Variants in PTPRA observed in about 807,000 individuals in gnomAD.
The protein encoded by PTPRA is protein tyrosine phosphatase receptor type A.
In PTPRA, 25 loss-of-function variants were observed where a neutral mutation model predicts 104.8. That is an observed-to-expected ratio of 0.24 (90% confidence interval 0.17 to 0.33). The LOEUF (loss-of-function observed/expected upper bound fraction) is 0.33. Among genes scored for constraint, PTPRA ranks in the 10% least tolerant of loss-of-function variants. PTPRA has a pLI of 1.00. For synonymous variants in PTPRA, 323 were observed against 368.9 expected (o/e 0.88, Z 1.43); for missense variants, 765 against 1,015.3 (o/e 0.75, Z 3.35).
At chr20:2,884,943 GGGACTACA>G (rs1258692529) in intron 1 of PTPRA, among the ~76,000 whole-genome samples, 1 of 151,966 alleles carries the variant, frequency 6.6e-6, no homozygotes, top group Non-Finnish European at 1.5e-5. Flanking sequence ...CCGAGTAGCT[GGGACTACA>G]GGCGCCCCCC....
intron 6 of PTPRA, among the ~76,000 whole-genome samples, chr20:2,984,476 T>C (rs1270403828): frequency 6.6e-6 from 1 of 152,226 alleles, no homozygotes; most frequent in Non-Finnish European, 1.5e-5. Flanking sequence ...TTTGATTGAA[T>C]TGATTGCTCC....
chr20:3,028,460 A>G (rs549143092), intron 20 of PTPRA, among the ~76,000 whole-genome samples: 4 of 152,318 alleles, frequency 2.6e-5, no homozygotes, highest in South Asian at 4.1e-4. Context: ...CCCTAGGTCA[A>G]CTTCCTCTCA....
intron 1 of PTPRA, among the ~76,000 whole-genome samples, chr20:2,922,925 G>A (rs775429609): frequency 9.9e-5 from 15 of 151,842 alleles, no homozygotes; most frequent in African/African-American, 2.7e-4. Flanking sequence ...ATGAGCCACC[G>A]CTCCTGGCTA....
intron 6 of PTPRA, among the ~76,000 whole-genome samples, chr20:2,977,148 C>T (rs556947905): frequency 4.0e-5 from 6 of 151,898 alleles, no homozygotes; most frequent in East Asian, 1.9e-4. Flanking sequence ...TGGTGGTGTG[C>T]GCCTGTAATC....
chr20:3,006,103 C>T (rs953338750), intron 10 of PTPRA, among the ~76,000 whole-genome samples: 3 of 152,136 alleles, frequency 2.0e-5, no homozygotes, highest in African/African-American at 7.2e-5. Context: ...AAACAGTCCT[C>T]CTGCTTTGGT....
chr20:2,963,930 C>T (rs896363318), intron 3 of PTPRA, among the ~76,000 whole-genome samples: 9 of 152,096 alleles, frequency 5.9e-5, no homozygotes, highest in Non-Finnish European at 1.2e-4. Flanking sequence ...GTCCCAGCTA[C>T]TCAGGAGGCT....
intron 18 of PTPRA, 141 bp downstream of exon 18, chr20:3,026,921 C>T (rs1160498655): frequency 2.1e-6 from 2 of 940,604 alleles, no homozygotes; most frequent in South Asian, 1.6e-5. Flanking sequence ...CACTTAACAA[C>T]ATGGCGTTGC....
chr20:2,908,177 A>G (rs1040146162), intron 1 of PTPRA, among the ~76,000 whole-genome samples: 1 of 152,086 alleles, frequency 6.6e-6, no homozygotes. Flanking sequence ...TAAATTTTCA[A>G]ATTTTTCTGA....
At chr20:2,887,235 C>G (rs968507926) in intron 1 of PTPRA, among the ~76,000 whole-genome samples, 1 of 152,068 alleles carries the variant, frequency 6.6e-6, no homozygotes, top group African/African-American at 2.4e-5. Context: ...TTATTGTGAT[C>G]ATTATGTATT....
intron 2 of PTPRA, among the ~76,000 whole-genome samples, chr20:2,936,693 G>A (rs565592674): frequency 3.3e-5 from 5 of 152,148 alleles, no homozygotes; most frequent in East Asian, 1.9e-4. Flanking sequence ...GGCTGGTCTC[G>A]AAGTCTTGGG....
chr20:2,946,152 G>A (rs1169392717), intron 2 of PTPRA, among the ~76,000 whole-genome samples: 2 of 152,020 alleles, frequency 1.3e-5, no homozygotes, highest in Non-Finnish European at 2.9e-5. Context: ...AACAGAAACC[G>A]CCAGGCAGAA....
At chr20:3,019,257 C>G (rs1443705614) in intron 13 of PTPRA, among the ~76,000 whole-genome samples, 1 of 149,556 alleles carries the variant, frequency 6.7e-6, no homozygotes, top group Admixed American at 6.6e-5. Context: ...GGGGGCTGAC[C>G]CCCCCACCTC....
chr20:3,027,261 T>G, intron 19 of PTPRA, 64 bp downstream of exon 19: 1 of 1,492,356 alleles, frequency 6.7e-7, no homozygotes, highest in Non-Finnish European at 9.3e-7. Flanking sequence ...GCACTTGCAG[T>G]GCCTCCCTCC....
At chr20:3,032,522 C>T (rs750189632) in intron 20 of PTPRA, among the ~76,000 whole-genome samples, 3 of 152,136 alleles carry the variant, frequency 2.0e-5, no homozygotes, top group Non-Finnish European at 4.4e-5. Context: ...AATCCCAGCA[C>T]TTTGGGAGGC....
rs2060300470 is a variant in PTPRA, at chr20:2,926,505, C to T, written c.-50+3220C>T. ...TTGGATTAGGGACCACCCTAATGAGCTCATCTCAACTTGATCATATGCAAA... is the reference window on the plus strand; with the variant it reads ...TTGGATTAGGGACCACCCTAATGAGTTCATCTCAACTTGATCATATGCAAA... On this transcript the variant is annotated intron_variant, in intron 2 of 23. Coordinates refer to ENST00000399903, the MANE Select transcript of PTPRA (RefSeq NM_001385305.1). 2.6e-5 allele frequency among the ~76,000 whole-genome samples: 4 copies of T among 152,144 alleles called. No homozygotes were observed. In the South Asian group the frequency reaches 8.3e-4, roughly 31 times the overall value.
At chr20:3,030,451 G>C (rs988440053) in intron 20 of PTPRA, among the ~76,000 whole-genome samples, 1 of 152,114 alleles carries the variant, frequency 6.6e-6, no homozygotes, top group African/African-American at 2.4e-5. Context: ...TGGCCCCCAA[G>C]TTCACTTTCT....
chr20:2,914,803 G>T (rs1166538818), intron 1 of PTPRA, among the ~76,000 whole-genome samples: 2 of 152,090 alleles, frequency 1.3e-5, no homozygotes, highest in Non-Finnish European at 2.9e-5. Context: ...TAAAATTTAT[G>T]TGTAACCCCA....
intron 1 of PTPRA, among the ~76,000 whole-genome samples, chr20:2,916,468 T>G (rs1232182536): frequency 1.3e-5 from 2 of 152,192 alleles, no homozygotes. Context: ...TTAGCACTCT[T>G]TCCAAAAATT....
chr20:2,871,497 T>G (rs1409471106), upstream of PTPRA, among the ~76,000 whole-genome samples: 1 of 151,964 alleles, frequency 6.6e-6, no homozygotes, highest in Non-Finnish European at 1.5e-5. Context: ...CCTTCTAGGG[T>G]AATACAAATA....
Sources: allele counts gnomAD v4.1 joint callset (sites outside exome capture counted in the v4.1 genomes callset), GRCh38; gene constraint gnomAD v4.1.1; transcripts MANE v1.5; gene names NCBI Gene and HGNC (gene_info 2026-07-23, HGNC 2026-07-21).